The following SAXO1 variants were observed in gnomAD, a reference collection of about 807,000 sequenced individuals.
The protein encoded by SAXO1 is 4930500O09Rik.
A neutral mutation model predicts 17.5 loss-of-function variants in SAXO1; 21 were observed. That is an observed-to-expected ratio of 1.20 (90% CI 0.85 to 1.72). The LOEUF (loss-of-function observed/expected upper bound fraction) is 1.72. SAXO1 is among the 40% of genes most tolerant of loss of function. The pLI is 0.00. For synonymous variants in SAXO1, 274 were observed against 216.5 expected, an observed-to-expected ratio of 1.27 and a Z score of -2.33; for missense variants, 843 against 596.0, an observed-to-expected ratio of 1.41 and a Z score of -4.32.
At chr9:19,045,925 T>C (rs1836202407) in intron 1 of SAXO1, among the ~76,000 whole-genome samples, 1 of 152,008 alleles carries the variant, frequency 6.6e-6, no homozygotes, top group Non-Finnish European at 1.5e-5. Context: ...CCGTATCTAC[T>C]AAAAATACAA....
At chr9:18,929,500 A>G (rs543135225) in intron 3 of SAXO1, among the ~76,000 whole-genome samples, 5 of 152,338 alleles carry the variant, frequency 3.3e-5, no homozygotes, top group Non-Finnish European at 7.3e-5. Flanking sequence ...CACCAGCCAG[A>G]TGAACCAGGC....
chr9:19,007,029 A>G (rs1834508573), intron 1 of SAXO1, among the ~76,000 whole-genome samples: 1 of 147,016 alleles, frequency 6.8e-6, no homozygotes, highest in Non-Finnish European at 1.5e-5. Context: ...TGGGTAACAC[A>G]GTGAGACTCC....
At chr9:18,932,413 T>C (rs1437441882) in intron 3 of SAXO1, among the ~76,000 whole-genome samples, 1 of 152,254 alleles carries the variant, frequency 6.6e-6, no homozygotes, top group Non-Finnish European at 1.5e-5. Flanking sequence ...TCAGTATAAC[T>C]GTCTCAATTG....
chr9:19,016,857 T>G (rs558406569), intron 1 of SAXO1, among the ~76,000 whole-genome samples: 1 of 150,470 alleles, frequency 6.6e-6, no homozygotes, highest in Non-Finnish European at 1.5e-5. Flanking sequence ...TTTCGTTTGA[T>G]GAATTCCCAC....
chr9:18,941,468 T>C (rs186171828), intron 3 of SAXO1, among the ~76,000 whole-genome samples, 169 bp downstream of exon 3: 139 of 152,320 alleles, frequency 9.1e-4, no homozygotes, highest in Middle Eastern at 3.4e-3. Context: ...AATGCTTAAC[T>C]CTTCTTAGCT....
chr9:18,996,814 A>G (rs1834023527), intron 1 of SAXO1, among the ~76,000 whole-genome samples: 1 of 152,234 alleles, frequency 6.6e-6, no homozygotes, highest in Admixed American at 6.5e-5. Context: ...ACTTCTATTC[A>G]ACATAGTATT....
rs1285809870 is a variant in SAXO1, at chr9:18,928,565, C to T, written c.912G>A (p.Leu304=). The T allele has an allele frequency of 6.2e-7, 1 of 1,614,082 alleles. No homozygotes were observed. ...ATGTGTAATGGGCCTGCACTGTTGT[C>T]AGAAGATCCATCCTGTCTTCGGGAG... ...YVPPEDRMDL[L]TTVQAHYTCP... is the part of the protein sequence containing the mutation. Residue 304 remains leucine (L), a synonymous_variant, in exon 4 of 4, where the codon CTG becomes CTA. Coordinates refer to ENST00000380534, the MANE Select transcript of SAXO1 (RefSeq NM_153707.4).
intron 1 of SAXO1, among the ~76,000 whole-genome samples, chr9:18,953,108 C>T (rs746016453): frequency 6.6e-6 from 1 of 152,162 alleles, no homozygotes; most frequent in Non-Finnish European, 1.5e-5. Flanking sequence ...AACCTCAGAT[C>T]GAAAGCCAAG....
chr9:19,000,866 T>C (rs771425937), intron 1 of SAXO1, among the ~76,000 whole-genome samples: 92 of 152,006 alleles, frequency 6.1e-4, no homozygotes, highest in Non-Finnish European at 1.0e-3. Context: ...GCTAAAGGGA[T>C]CAATTCAACA....
rs180806251 is a variant in SAXO1, at chr9:19,031,614, G to A, written c.38+1257C>T. Among the ~76,000 whole-genome samples the A allele has an allele frequency of 1.8e-3, 276 of 152,318 alleles. 4 individuals are homozygous for A. In the South Asian group the frequency reaches 0.029, roughly 16 times the overall value. On this transcript the variant is annotated intron_variant, in intron 1 of 3. Coordinates refer to ENST00000380534, the MANE Select transcript of SAXO1 (RefSeq NM_153707.4). ...AAAAAAAGGTTTTGCTTGGTAACATGTAGTCCTAGACTATACACTGCTCTG... is the reference window on the plus strand; with the variant it reads ...AAAAAAAGGTTTTGCTTGGTAACATATAGTCCTAGACTATACACTGCTCTG...
chr9:18,978,292 C>T (rs1833235633), intron 1 of SAXO1, among the ~76,000 whole-genome samples: 1 of 152,136 alleles, frequency 6.6e-6, no homozygotes, highest in Non-Finnish European at 1.5e-5. Context: ...TAGCACGCTT[C>T]CCAAAGCTCA....
intron 1 of SAXO1, among the ~76,000 whole-genome samples, chr9:19,006,875 T>C (rs1003549896): frequency 4.0e-5 from 6 of 151,426 alleles, no homozygotes; most frequent in Non-Finnish European, 1.5e-5. Flanking sequence ...TGAAACCCCG[T>C]CTCTACTAAA....
In SAXO1 at chr9:18,935,131, T is replaced by A. The variant is rs150923984; in HGVS notation, c.422-6076A>T. The stretch of plus-strand genomic sequence containing the variant: ...CTTTTTTTGTATTTTTACAAAAAAA[T>A]ACAAAACCTCCTGACCCCATGATCT... On this transcript the variant is annotated intron_variant, in intron 3 of 3. Coordinates refer to ENST00000380534, the MANE Select transcript of SAXO1 (RefSeq NM_153707.4). Among the ~76,000 whole-genome samples, 28 of 152,092 alleles carry A rather than the reference T, an allele frequency of 1.8e-4. No homozygotes were observed. The East Asian group carries it at 4.7e-3, about 25-fold the overall frequency.
intron 1 of SAXO1, among the ~76,000 whole-genome samples, chr9:18,967,017 G>C (rs1832746307): frequency 6.6e-6 from 1 of 152,202 alleles, no homozygotes; most frequent in African/African-American, 2.4e-5. Context: ...CTGCAGGTCT[G>C]CTAGAGTTTG....
chr9:18,928,364 C>G lies in SAXO1; in HGVS notation c.1113G>C (p.Leu371=), dbSNP rs1830865272. ...GCACATAGTGGGCCCGAGTGGTGGT[C>G]AGGCAGTCCAGGGGCTCGGTGGGCA... The part of the protein sequence containing the change: ...LDLPTEPLDC[L]TTTRAHYVPH... Residue 371 remains leucine, a synonymous_variant, in exon 4 of 4, where the codon CTG becomes CTC. Coordinates refer to ENST00000380534, the MANE Select transcript of SAXO1 (RefSeq NM_153707.4). 2 of 1,612,996 alleles carry G rather than the reference C, an allele frequency of 1.2e-6. No individual in the cohort carries two copies. The highest frequency in any genetic ancestry group is 1.3e-5 in the African/African-American group (1 of 74,814).
intron 1 of SAXO1, among the ~76,000 whole-genome samples, chr9:18,981,830 A>G (rs1168052839): frequency 6.6e-6 from 1 of 152,232 alleles, no homozygotes; most frequent in African/African-American, 2.4e-5. Flanking sequence ...CCAAGGGCCC[A>G]CCGTAAGTGC....
intron 1 of SAXO1, among the ~76,000 whole-genome samples, chr9:18,980,742 A>C: frequency 7.7e-6 from 1 of 129,648 alleles, no homozygotes; most frequent in African/African-American, 3.0e-5. Context: ...ATAGCACCAC[A>C]TTTGCTTTGT....
At chr9:18,976,711 C>A (rs1833167788) in intron 1 of SAXO1, among the ~76,000 whole-genome samples, 1 of 152,210 alleles carries the variant, frequency 6.6e-6, no homozygotes. Flanking sequence ...TGGTTGTAAT[C>A]TTACACGTTG....
At chr9:18,930,210 T>C (rs1830981564) in intron 3 of SAXO1, among the ~76,000 whole-genome samples, 1 of 152,188 alleles carries the variant, frequency 6.6e-6, no homozygotes, top group African/African-American at 2.4e-5. Flanking sequence ...AACTTCAGAA[T>C]GTTTGAAGAA....
Sources: allele counts gnomAD v4.1 joint callset (sites outside exome capture counted in the v4.1 genomes callset), GRCh38; gene constraint gnomAD v4.1.1; transcripts MANE v1.5; gene names NCBI Gene and HGNC (gene_info 2026-07-23, HGNC 2026-07-21).